RB1CC1: variants seen among roughly 807,000 people sequenced by gnomAD.
The protein encoded by RB1CC1 is RB1 inducible coiled-coil 1, also known as RB1-inducible coiled-coil protein 1.
A neutral mutation model predicts 177.5 loss-of-function variants in RB1CC1; 46 were observed. The observed-to-expected ratio is 0.26, with a 90% CI of 0.20 to 0.33. The LOEUF (loss-of-function observed/expected upper bound fraction) is 0.33. Among genes scored for constraint, RB1CC1 ranks in the 10% least tolerant of loss-of-function variants. The probability of loss-of-function intolerance (pLI) is 1.00; values close to 1 mark genes in which losing one functional copy is unlikely to be tolerated. For missense variants in RB1CC1, 1,703 were observed against 1,816.3 expected (o/e 0.94, Z 1.13); for synonymous variants, 666 against 613.6 (o/e 1.09, Z -1.26).
intron 1 of RB1CC1, among the ~76,000 whole-genome samples, chr8:52,703,213 T>C (rs1225762176): frequency 6.6e-6 from 1 of 152,188 alleles, no homozygotes; most frequent in Admixed American, 6.5e-5. Flanking sequence ...TAAGTATGTG[T>C]ATCCTCTCTT....
chr8:52,661,212 T>G lies in RB1CC1; in HGVS notation c.1428A>C (p.Val476=). ...TTTTGACTCTTTCTAACAGCTCTAT[T>G]ACGAGGCGGAGCAAAGCTTGTAACT... ...GEKLQALLRL[V]IELLERVKIV... Residue 476 remains valine (V), a synonymous_variant, in exon 10 of 24, where the codon GTA becomes GTC. Transcript: ENST00000025008. 1 of 1,613,926 alleles carries G rather than the reference T, an allele frequency of 6.2e-7. No homozygotes were observed. The highest frequency in any genetic ancestry group is 8.5e-7 in the Non-Finnish European group (1 of 1,179,896).
At chr8:52,624,635 A>T in intron 23 of RB1CC1, 82 bp downstream of exon 23, 1 of 1,110,186 alleles carries the variant, frequency 9.0e-7, no homozygotes, top group Non-Finnish European at 1.3e-6. Flanking sequence ...CAAGAACAGC[A>T]GTGGTAATGA....
chr8:52,675,797 G>T (rs1190925559), intron 6 of RB1CC1, among the ~76,000 whole-genome samples: 6 of 149,216 alleles, frequency 4.0e-5, no homozygotes, highest in Non-Finnish European at 8.9e-5. Context: ...TGAGGCAGAA[G>T]AATGGAGTAA....
chr8:52,691,870 C>G (rs1854893712), intron 1 of RB1CC1, among the ~76,000 whole-genome samples: 1 of 152,208 alleles, frequency 6.6e-6, no homozygotes. Context: ...CACAAATGCT[C>G]TTCTTTCCTC....
chr8:52,645,995 C>G, intron 15 of RB1CC1, 128 bp from the exon 16 acceptor site: 1 of 890,094 alleles, frequency 1.1e-6, no homozygotes, highest in Non-Finnish European at 1.7e-6. Flanking sequence ...CTGTGTGAAC[C>G]CTCTCTTTGA....
At chr8:52,666,597 G>C (rs1342575668) in intron 8 of RB1CC1, among the ~76,000 whole-genome samples, 3 of 151,902 alleles carry the variant, frequency 2.0e-5, no homozygotes, top group Admixed American at 2.0e-4. Flanking sequence ...ACAGTGAACA[G>C]ATACAGACTT....
intron 16 of RB1CC1, among the ~76,000 whole-genome samples, chr8:52,644,086 TTTA>T (rs1186047684): frequency 1.1e-4 from 16 of 152,276 alleles, no homozygotes; most frequent in African/African-American, 3.8e-4. Context: ...AACCATTATG[TTTA>T]TTTTCATGAT....
At chr8:52,638,025 C>G (rs1849283145) in intron 18 of RB1CC1, among the ~76,000 whole-genome samples, 1 of 152,070 alleles carries the variant, frequency 6.6e-6, no homozygotes, top group Non-Finnish European at 1.5e-5. Flanking sequence ...CTTCCAAGTA[C>G]AATGTTGAGC....
intron 15 of RB1CC1, among the ~76,000 whole-genome samples, chr8:52,648,112 T>C (rs181343589): frequency 1.6e-4 from 25 of 152,178 alleles, no homozygotes; most frequent in African/African-American, 3.6e-4. Flanking sequence ...CAAACAGATA[T>C]AGACACCCCT....
chr8:52,679,504 G>A (rs569389636), intron 5 of RB1CC1, among the ~76,000 whole-genome samples: 9 of 152,124 alleles, frequency 5.9e-5, no homozygotes, highest in Admixed American at 6.5e-5. Flanking sequence ...GAAAGACCCC[G>A]CTTCGAGTTA....
Position 52,632,870 on chromosome 8 carries a change from C to G in RB1CC1, c.4440+2051G>C, listed in dbSNP as rs543819773. Among the ~76,000 whole-genome samples the G allele has an allele frequency of 2.6e-5, 4 of 152,296 alleles. No individual in the cohort carries two copies. In the East Asian group the frequency reaches 7.7e-4, roughly 29 times the overall value. On this transcript the variant is annotated intron_variant, in intron 20 of 23. Transcript: ENST00000025008. ...CAGAACTTAAAGTCATCCCTCTGTT[C>G]CTCTGCTCATGTGAGACAAATGCGT...
intron 20 of RB1CC1, among the ~76,000 whole-genome samples, chr8:52,632,057 C>T (rs1306880661): frequency 2.0e-5 from 3 of 152,158 alleles, no homozygotes; most frequent in Admixed American, 6.5e-5. Context: ...CACCCACTTC[C>T]TCTACTGATG....
In RB1CC1 at chr8:52,630,471, C is replaced by G; in HGVS notation, c.4498G>C (p.Asp1500His). ...SRHSEKIAIR[D>H]FQVGDLVLII... Reference sequence around the variant, plus strand: ...TACTCACAAAACTAAAATACTTACTCTCTAATAGCTATCTTTTCAGAATGC... The same window carrying G: ...TACTCACAAAACTAAAATACTTACTGTCTAATAGCTATCTTTTCAGAATGC... Residue 1500 changes from aspartate to histidine, a missense_variant and splice_region_variant, in exon 21 of 24, where the codon GAT becomes CAT. Around this residue, in one of 6 missense-constraint regions of RB1CC1, gnomAD observed 70 missense variants for 118.0 expected, o/e 0.59. Coordinates refer to ENST00000025008, the MANE Select transcript of RB1CC1 (RefSeq NM_014781.5). The G allele has an allele frequency of 6.3e-7, 1 of 1,580,734 alleles. No homozygotes were observed. Among genetic ancestry groups the G allele is most frequent in the Non-Finnish European group, 8.6e-7 (1 of 1,167,044 alleles).
At chr8:52,680,923 C>G (rs1853638871) in intron 5 of RB1CC1, among the ~76,000 whole-genome samples, 1 of 151,162 alleles carries the variant, frequency 6.6e-6, no homozygotes, top group Non-Finnish European at 1.5e-5. Flanking sequence ...GGGAGAAAGT[C>G]CTAAGTAGGG....
chr8:52,657,947 CACAA>C (rs1851223060), intron 14 of RB1CC1, 39 bp from the exon 15 acceptor site: 1 of 1,612,568 alleles, frequency 6.2e-7, no homozygotes, highest in South Asian at 1.1e-5. Context: ...GCTGCAGGAA[CACAA>C]ACATTTTACA....
intron 1 of RB1CC1, among the ~76,000 whole-genome samples, chr8:52,703,745 G>C (rs1488594463): frequency 1.3e-5 from 2 of 151,938 alleles, no homozygotes; most frequent in African/African-American, 4.8e-5. Flanking sequence ...AACTTACATC[G>C]CCCAAGCTGT....
chr8:52,627,900 T>TA lies in RB1CC1; in HGVS notation c.4636+131dup, dbSNP rs1261897321. 8.2e-6 allele frequency: 6 copies of TA among 736,126 alleles called. No homozygotes were observed. The South Asian group carries it at 9.7e-5, about 12-fold the overall frequency. The allele number at this position is 736,126 out of a possible 1,614,324, so 45.6% of individuals were successfully genotyped here. A position where few individuals can be genotyped will look rare whatever the true frequency, so the allele number is the denominator to read the frequency against. On this transcript the variant is annotated intron_variant, in intron 22 of 23. Coordinates refer to ENST00000025008, the MANE Select transcript of RB1CC1 (RefSeq NM_014781.5). ...AATAATCTAGATAATACAGATTTTATAAAAAAGCAGATTACACAGGGTTCC... is the reference window on the plus strand; with the variant it reads ...AATAATCTAGATAATACAGATTTTATAAAAAAAGCAGATTACACAGGGTTCC...
chr8:52,670,478 T>C (rs1023681777), intron 7 of RB1CC1, among the ~76,000 whole-genome samples: 2 of 152,146 alleles, frequency 1.3e-5, no homozygotes, highest in African/African-American at 4.8e-5. Context: ...TTTCTTACAC[T>C]CTCTATTCTT....
chr8:52,677,855 G>A lies in RB1CC1; in HGVS notation c.370-1284C>T, dbSNP rs993188601. On this transcript the variant is annotated intron_variant, in intron 5 of 23. Coordinates refer to ENST00000025008, the MANE Select transcript of RB1CC1 (RefSeq NM_014781.5). ...TGTTTTCAGATTTTTTTAAACAGATGAAAGAGAGGTGACACCCTTGAAATG... is the reference window on the plus strand; with the variant it reads ...TGTTTTCAGATTTTTTTAAACAGATAAAAGAGAGGTGACACCCTTGAAATG... 3.3e-5 allele frequency among the ~76,000 whole-genome samples: 5 copies of A among 152,224 alleles called. No homozygotes were observed. The East Asian group carries it at 7.7e-4, about 24-fold the overall frequency.
Sources: allele counts gnomAD v4.1 joint callset (sites outside exome capture counted in the v4.1 genomes callset), GRCh38; gene constraint gnomAD v4.1.1; regional missense constraint gnomAD v4.1.1; transcripts MANE v1.5; gene names NCBI Gene and HGNC (gene_info 2026-07-23, HGNC 2026-07-21).